Variants in GABRG3 observed in about 807,000 individuals in gnomAD.
The protein encoded by GABRG3 is gamma-aminobutyric acid type A receptor subunit gamma3, also known as gamma-aminobutyric acid receptor subunit gamma-3.
In GABRG3, 25 loss-of-function variants were observed where a neutral mutation model predicts 48.8. The ratio of observed to expected loss-of-function variants is 0.51; its 90% confidence interval spans 0.37 to 0.72. The LOEUF is 0.72. Among genes scored for constraint, GABRG3 ranks in the 30% least tolerant of loss-of-function variants. The pLI is 0.00. For missense variants in GABRG3, 394 were observed against 577.9 expected (o/e 0.68, Z 3.26); for synonymous variants, 227 against 217.6 (o/e 1.04, Z -0.38).
chr15:27,304,372 A>G (rs1205979972), intron 3 of GABRG3, among the ~76,000 whole-genome samples: 1 of 152,014 alleles, frequency 6.6e-6, no homozygotes, highest in African/African-American at 2.4e-5. Flanking sequence ...AGGATACAAG[A>G]TCAGCACTCA....
At chr15:27,118,731 CATACCCTTCATGCTATAT>C (rs1054431724) in intron 3 of GABRG3, among the ~76,000 whole-genome samples, 33 of 152,288 alleles carry the variant, frequency 2.2e-4, no homozygotes, top group African/African-American at 7.9e-4. Flanking sequence ...ATTTAAAAAC[CATACCCTTCATGCTATAT>C]TTACCCTTCA....
At chr15:27,388,423 A>G (rs1896115457) in intron 5 of GABRG3, among the ~76,000 whole-genome samples, 1 of 142,520 alleles carries the variant, frequency 7.0e-6, no homozygotes, top group Non-Finnish European at 1.6e-5. Context: ...AGGGGATAAG[A>G]TGCAAACGCA....
At chr15:27,403,921 A>AC (rs541123757) in intron 5 of GABRG3, among the ~76,000 whole-genome samples, 26 of 130,842 alleles carry the variant, frequency 2.0e-4, no homozygotes, top group Non-Finnish European at 3.1e-4. Flanking sequence ...AAACAAAAAA[A>AC]AAAAAAACAA....
At chr15:27,433,203 G>A (rs182286168) in intron 5 of GABRG3, among the ~76,000 whole-genome samples, 20 of 152,280 alleles carry the variant, frequency 1.3e-4, no homozygotes, top group African/African-American at 2.4e-4. Flanking sequence ...GCCCAAAGGC[G>A]GAACCCCACT....
At chr15:27,039,058 A>G (rs759636204) in intron 3 of GABRG3, among the ~76,000 whole-genome samples, 5 of 152,204 alleles carry the variant, frequency 3.3e-5, no homozygotes, top group African/African-American at 9.6e-5. Context: ...TACAAGTACA[A>G]CGGGGACGAG....
At chr15:27,362,153 G>A (rs1394368990) in intron 5 of GABRG3, among the ~76,000 whole-genome samples, 7 of 152,178 alleles carry the variant, frequency 4.6e-5, no homozygotes, top group Admixed American at 2.6e-4. Context: ...GCTATTGAAT[G>A]CTTTCAGGAG....
intron 5 of GABRG3, among the ~76,000 whole-genome samples, chr15:27,377,343 G>T (rs966958948): frequency 6.6e-6 from 1 of 152,176 alleles, no homozygotes; most frequent in South Asian, 2.1e-4. Flanking sequence ...TCACTTCCAC[G>T]TTTTCGGGTA....
chr15:27,094,038 C>G (rs1463040995), intron 3 of GABRG3, among the ~76,000 whole-genome samples: 1 of 152,184 alleles, frequency 6.6e-6, no homozygotes, highest in African/African-American at 2.4e-5. Context: ...GCATGCAGAT[C>G]ACATTGCACA....
chr15:27,214,352 C>G (rs138304530), intron 3 of GABRG3, among the ~76,000 whole-genome samples: 1 of 152,216 alleles, frequency 6.6e-6, no homozygotes, highest in Non-Finnish European at 1.5e-5. Context: ...CCATGATGGC[C>G]GCGTCGGGTA....
intron 3 of GABRG3, among the ~76,000 whole-genome samples, chr15:27,107,695 C>T (rs1031208786): frequency 6.6e-6 from 1 of 151,772 alleles, no homozygotes; most frequent in Non-Finnish European, 1.5e-5. Context: ...CTATGGATGG[C>T]ATTTAATCAC....
intron 3 of GABRG3, among the ~76,000 whole-genome samples, chr15:27,103,926 C>T (rs1897404804): frequency 6.6e-6 from 1 of 152,178 alleles, no homozygotes; most frequent in Non-Finnish European, 1.5e-5. Context: ...TTTGACATAT[C>T]TGTTTCCCAT....
At chr15:27,200,634 G>A (rs1021948319) in intron 3 of GABRG3, among the ~76,000 whole-genome samples, 4 of 152,164 alleles carry the variant, frequency 2.6e-5, no homozygotes, top group African/African-American at 9.7e-5. Flanking sequence ...TTTTCTGTAA[G>A]GGGCTAGATA....
chr15:27,453,146 G>A (rs1889159246), intron 5 of GABRG3, among the ~76,000 whole-genome samples: 1 of 152,178 alleles, frequency 6.6e-6, no homozygotes, highest in Non-Finnish European at 1.5e-5. Context: ...GGCAGGGAAT[G>A]TGAGAAAATG....
chr15:27,050,411 TC>T, intron 3 of GABRG3, among the ~76,000 whole-genome samples: 1 of 152,220 alleles, frequency 6.6e-6, no homozygotes, highest in South Asian at 2.1e-4. Context: ...GCAGGGCTGT[TC>T]AGGTCTCCAG....
intron 3 of GABRG3, among the ~76,000 whole-genome samples, chr15:27,235,886 G>A (rs1889944439): frequency 6.6e-6 from 1 of 152,188 alleles, no homozygotes; most frequent in African/African-American, 2.4e-5. Flanking sequence ...CCTCTCCACT[G>A]ATGAGTCTCT....
intron 2 of GABRG3, among the ~76,000 whole-genome samples, chr15:27,016,466 G>T (rs928058995): frequency 6.6e-6 from 1 of 151,972 alleles, no homozygotes; most frequent in African/African-American, 2.4e-5. Context: ...GAGAAATGAG[G>T]TTATAATCTA....
intron 3 of GABRG3, among the ~76,000 whole-genome samples, chr15:27,165,747 A>G (rs1427973487): frequency 1.3e-5 from 2 of 152,096 alleles, no homozygotes; most frequent in East Asian, 1.9e-4. Context: ...GGAGCTCACC[A>G]GTCAGTGAGA....
At chr15:27,190,311 C>T (rs1386864939) in intron 3 of GABRG3, among the ~76,000 whole-genome samples, 3 of 152,172 alleles carry the variant, frequency 2.0e-5, no homozygotes, top group Non-Finnish European at 4.4e-5. Flanking sequence ...GCACCAGTTC[C>T]TCCTTGTACC....
In GABRG3 at chr15:27,265,882, G is replaced by GTTTTTTTTTTTTTTTTTTTTTT. The variant is rs57522857; in HGVS notation, c.271-60912_271-60911insTTTTTTTTTTTTTTTTTTTTTT. 9.4e-5 allele frequency among the ~76,000 whole-genome samples: 12 copies of GTTTTTTTTTTTTTTTTTTTTTT among 127,590 alleles called. 1 individual carries two copies. The highest frequency in any genetic ancestry group is 4.1e-4 in the African/African-American group (12 of 29,406). 83.7% of individuals were successfully genotyped at this position (127,590 alleles called of 152,430 possible). A position where few individuals can be genotyped will look rare whatever the true frequency, so the allele number is the denominator to read the frequency against. On this transcript the variant is annotated intron_variant, in intron 3 of 9. Transcript: ENST00000615808. ...GCAAGGTCAAGAAGATTTTCTCCTGGTTTTTTTTTTTTTTTGAGAGTGACC... is the reference window on the plus strand; with the variant it reads ...GCAAGGTCAAGAAGATTTTCTCCTGGTTTTTTTTTTTTTTTTTTTTTTTTTTTTTTTTTTTTTGAGAGTGACC...
Sources: gnomAD v4.1 joint callset for allele counts (sites outside exome capture counted in the v4.1 genomes callset) on GRCh38, gnomAD v4.1.1 for gene constraint, MANE v1.5 for transcripts, NCBI Gene and HGNC (gene_info 2026-07-23, HGNC 2026-07-21) for gene names.